Variants in DCC observed in about 807,000 individuals in gnomAD.
DCC encodes the protein netrin receptor DCC.
Under a neutral mutation model 172.5 loss-of-function variants are expected in DCC, and 58 were observed. That is an observed-to-expected ratio of 0.34 (90% CI 0.27 to 0.42). The LOEUF is 0.42. Ranked by LOEUF, DCC falls within the 10% of genes least tolerant of loss-of-function variation. DCC has a pLI of 1.00. For missense variants in DCC, 1,740 were observed against 1,791.0 expected (o/e 0.97, Z 0.51); for synonymous variants, 709 against 644.5 (o/e 1.10, Z -1.52).
intron 2 of DCC, among the ~76,000 whole-genome samples, chr18:52,848,082 A>T (rs1454914974): frequency 7.8e-6 from 1 of 127,390 alleles, no homozygotes; most frequent in Non-Finnish European, 1.6e-5. Flanking sequence ...GACTTTTCTA[A>T]TTTTTTTTTT....
At chr18:53,337,585 T>C (rs1302680417) in intron 14 of DCC, among the ~76,000 whole-genome samples, 2 of 152,238 alleles carry the variant, frequency 1.3e-5, no homozygotes, top group African/African-American at 4.8e-5. Flanking sequence ...TATTATATCA[T>C]AGGCTTTTTT....
intron 7 of DCC, among the ~76,000 whole-genome samples, chr18:53,149,332 C>T (rs943133154): frequency 6.6e-6 from 1 of 152,090 alleles, no homozygotes; most frequent in Non-Finnish European, 1.5e-5. Context: ...CCTTAGACTC[C>T]ACTTCTCATT....
At chr18:52,496,844 TA>T (rs1334105814) in intron 1 of DCC, among the ~76,000 whole-genome samples, 1 of 152,048 alleles carries the variant, frequency 6.6e-6, no homozygotes, top group Non-Finnish European at 1.5e-5. Flanking sequence ...TTAAAATCTT[TA>T]AAAAATAGAA....
intron 15 of DCC, among the ~76,000 whole-genome samples, chr18:53,382,097 C>T (rs1907799852): frequency 1.6e-5 from 2 of 127,606 alleles, no homozygotes; most frequent in Non-Finnish European, 3.7e-5. Context: ...CACACACACA[C>T]ACACACACCC....
intron 1 of DCC, among the ~76,000 whole-genome samples, chr18:52,643,096 G>A (rs2034942295): frequency 6.6e-6 from 1 of 152,104 alleles, no homozygotes; most frequent in African/African-American, 2.4e-5. Flanking sequence ...AAACTTTAAT[G>A]CCAAGAGAAA....
At chr18:53,127,210 T>C (rs998470811) in intron 7 of DCC, among the ~76,000 whole-genome samples, 11 of 151,568 alleles carry the variant, frequency 7.3e-5, no homozygotes, top group African/African-American at 2.7e-4. Context: ...TCTCGTTATG[T>C]TGCCCGGTCT....
At chr18:53,135,799 C>G (rs1218651293) in intron 7 of DCC, among the ~76,000 whole-genome samples, 1 of 152,124 alleles carries the variant, frequency 6.6e-6, no homozygotes, top group Non-Finnish European at 1.5e-5. Flanking sequence ...TTGAATCACC[C>G]TCAATCTACA....
At chr18:52,986,744 A>T (rs1206450621) in intron 5 of DCC, among the ~76,000 whole-genome samples, 1 of 152,104 alleles carries the variant, frequency 6.6e-6, no homozygotes, top group Admixed American at 6.6e-5. Context: ...ACACATATAT[A>T]TACACACACA....
At chr18:53,095,888 G>A (rs1599128965) in intron 7 of DCC, among the ~76,000 whole-genome samples, 1 of 150,144 alleles carries the variant, frequency 6.7e-6, no homozygotes, top group South Asian at 2.1e-4. Context: ...TAGGCAGTCG[G>A]TAACTATTCC....
intron 2 of DCC, among the ~76,000 whole-genome samples, chr18:52,801,732 T>A (rs1029626510): frequency 6.6e-6 from 1 of 152,216 alleles, no homozygotes; most frequent in Non-Finnish European, 1.5e-5. Flanking sequence ...TGTTAACATC[T>A]TACATGACAG....
intron 15 of DCC, among the ~76,000 whole-genome samples, chr18:53,378,145 A>G (rs1907443547): frequency 6.6e-6 from 1 of 151,834 alleles, no homozygotes; most frequent in African/African-American, 2.4e-5. Flanking sequence ...TATTTTTATT[A>G]GAAACAGGGT....
intron 5 of DCC, among the ~76,000 whole-genome samples, chr18:52,948,312 A>ATGTGTG (rs10566106): frequency 2.0e-5 from 3 of 150,072 alleles, no homozygotes; most frequent in Non-Finnish European, 4.4e-5. Flanking sequence ...CACAGTGTTG[A>ATGTGTG]TGTGTGTGTG....
intron 1 of DCC, among the ~76,000 whole-genome samples, chr18:52,562,777 T>G (rs2033068046): frequency 6.6e-6 from 1 of 152,062 alleles, no homozygotes. Context: ...TTTTAATCAT[T>G]TTCTTTATTT....
chr18:52,463,886 G>A (rs1988705119), intron 1 of DCC, among the ~76,000 whole-genome samples: 1 of 152,178 alleles, frequency 6.6e-6, no homozygotes, highest in Non-Finnish European at 1.5e-5. Flanking sequence ...CTATAAATAT[G>A]AGTCATTAGA....
At chr18:52,454,961 G>A (rs548758711) in intron 1 of DCC, among the ~76,000 whole-genome samples, 1 of 152,086 alleles carries the variant, frequency 6.6e-6, no homozygotes, top group Non-Finnish European at 1.5e-5. Flanking sequence ...GACTCGTTTT[G>A]CATTAGTGCA....
At chr18:52,901,251 G>A (rs1022285173) in intron 2 of DCC, among the ~76,000 whole-genome samples, 1 of 151,986 alleles carries the variant, frequency 6.6e-6, no homozygotes, top group Non-Finnish European at 1.5e-5. Context: ...TGGCCAACAT[G>A]GTGAAACCCT....
intron 7 of DCC, among the ~76,000 whole-genome samples, chr18:53,128,436 C>G (rs938852119): frequency 2.2e-4 from 33 of 152,076 alleles, no homozygotes; most frequent in African/African-American, 7.7e-4. Context: ...TTACTCCTCT[C>G]TCTTTCCTTC....
intron 2 of DCC, among the ~76,000 whole-genome samples, chr18:52,812,209 C>T (rs1325802734): frequency 6.6e-6 from 1 of 152,144 alleles, no homozygotes; most frequent in East Asian, 1.9e-4. Flanking sequence ...TTATAATTCA[C>T]CTCAGCTACC....
intron 3 of DCC, among the ~76,000 whole-genome samples, chr18:52,909,859 G>T (rs544957709): frequency 1.3e-5 from 2 of 152,246 alleles, no homozygotes; most frequent in East Asian, 3.9e-4. Context: ...TGTGAGAGAA[G>T]AAAACACAGA....
Sources: gnomAD v4.1 joint callset for allele counts (sites outside exome capture counted in the v4.1 genomes callset) on GRCh38, gnomAD v4.1.1 for gene constraint, MANE v1.5 for transcripts, NCBI Gene and HGNC (gene_info 2026-07-23, HGNC 2026-07-21) for gene names.